The following JARID2 variants were observed in gnomAD, a reference collection of about 807,000 sequenced individuals.
JARID2 encodes jumonji and AT-rich interaction domain containing 2.
A neutral mutation model predicts 125.6 loss-of-function variants in JARID2; 21 were observed. The observed-to-expected ratio is 0.17, with a 90% CI of 0.12 to 0.24. JARID2 has a LOEUF of 0.24. Among genes scored for constraint, JARID2 ranks in the 10% least tolerant of loss-of-function variants. The pLI, the probability that JARID2 is intolerant of heterozygous loss-of-function variation, is 1.00. For synonymous variants in JARID2, 736 were observed against 661.6 expected (o/e 1.11, Z -1.73); for missense variants, 1,303 against 1,639.6 (o/e 0.79, Z 3.55).
chr6:15,285,318 T>C (rs1464581932), intron 1 of JARID2, among the ~76,000 whole-genome samples: 1 of 151,914 alleles, frequency 6.6e-6, no homozygotes, highest in African/African-American at 2.4e-5. Flanking sequence ...AGAGACTGGG[T>C]TTTACCATGT....
intron 4 of JARID2, among the ~76,000 whole-genome samples, chr6:15,453,675 A>G (rs1324857670): frequency 6.6e-6 from 1 of 152,186 alleles, no homozygotes; most frequent in Admixed American, 6.5e-5. Flanking sequence ...AAGGGTTATA[A>G]TCTGTTACTC....
Position 15,520,355 on chromosome 6 carries a change from AAAG to A in JARID2, c.*109_*111del, listed in dbSNP as rs1465233268. The A allele has an allele frequency of 2.7e-5, 23 of 848,156 alleles. No homozygotes were observed. The highest frequency in any genetic ancestry group is 1.2e-4 in the East Asian group (4 of 33,022). The allele number at this position is 848,156 out of a possible 1,614,324, so 52.5% of individuals were successfully genotyped here. A position where few individuals can be genotyped will look rare whatever the true frequency, so the allele number is the denominator to read the frequency against. ...TTCAAGCTGTCTTTGCACTAGCTCT[AAAG>A]AAGATTTTCTTCTGGTTTTAGAGAA... On this transcript the variant is annotated 3_prime_UTR_variant, in exon 18 of 18. Transcript: ENST00000341776.
chr6:15,465,485 G>C (rs1768676345), intron 4 of JARID2, among the ~76,000 whole-genome samples: 2 of 151,522 alleles, frequency 1.3e-5, no homozygotes, highest in South Asian at 4.2e-4. Context: ...TATCAACAAA[G>C]TCTGGATGCT....
At chr6:15,291,733 A>G (rs192355495) in intron 1 of JARID2, among the ~76,000 whole-genome samples, 49 of 151,658 alleles carry the variant, frequency 3.2e-4, no homozygotes, top group African/African-American at 1.2e-3. Context: ...GAAACCACAG[A>G]AATGGAGAAA....
chr6:15,248,132 T>C (rs1468809675), intron 1 of JARID2: 1 of 971,450 alleles, frequency 1.0e-6, no homozygotes, highest in Non-Finnish European at 1.2e-6. Context: ...TGCAAGCCCG[T>C]GGCTGGCGGC....
intron 2 of JARID2, chr6:15,400,722 C>T: frequency 2.4e-6 from 2 of 827,110 alleles, no homozygotes; most frequent in Non-Finnish European, 2.9e-6. Context: ...TGTTCGATTC[C>T]CTCCCTTGCA....
In JARID2 at chr6:15,472,908, T is replaced by G. The variant is rs1228517399; in HGVS notation, c.670+4190T>G. ...TATTTAGTCTGAGGTTTTCTTTCTA[T>G]TGCTATGCCTGGGCATTTTTTAGAT... On this transcript the variant is annotated intron_variant, in intron 5 of 17. Transcript: ENST00000341776. Among the ~76,000 whole-genome samples the G allele has an allele frequency of 2.0e-5, 3 of 152,246 alleles. No homozygotes were observed. The East Asian group carries it at 5.8e-4, about 29-fold the overall frequency.
In JARID2 at chr6:15,503,913, C is replaced by T. The variant is rs74878090; in HGVS notation, c.2449-587C>T. Among the ~76,000 whole-genome samples, 685 of 152,316 alleles carry T rather than the reference C, an allele frequency of 4.5e-3. 5 individuals are homozygous for T. The highest frequency in any genetic ancestry group is 0.016 in the African/African-American group (650 of 41,566). On this transcript the variant is annotated intron_variant, in intron 8 of 17. Transcript: ENST00000341776. ...TGGGAACAGGGCAACAGAGGGGCAT[C>T]GAAGAAGAGGCGCAGAGGGGACAGC...
chr6:15,424,513 G>A (rs6904997), intron 3 of JARID2, among the ~76,000 whole-genome samples: 7,336 of 152,232 alleles, frequency 0.048, 510 homozygotes, highest in African/African-American at 0.15. Flanking sequence ...GGGGGAGTCA[G>A]TTATCTGAAA....
At chr6:15,478,892 C>T (rs927894396) in intron 5 of JARID2, among the ~76,000 whole-genome samples, 3 of 152,008 alleles carry the variant, frequency 2.0e-5, no homozygotes, top group African/African-American at 7.3e-5. Context: ...GATGCTCTCC[C>T]GAGCTCAGGT....
Position 15,513,000 on chromosome 6 carries a change from A to G in JARID2, c.3221A>G (p.Asn1074Ser). The change falls in exon 15 of 18, where the codon AAC becomes AGC. Residue 1074 changes from asparagine to serine, a missense_variant. Asn to Ser is a conservative substitution (Grantham distance 46, BLOSUM62 1). Transcript: ENST00000341776. ...QIAQAEAKKE[N>S]GPTLSTISAL... ...GCACAAGCAGAAGCAAAAAAAGAAA[A>G]CGGTCCCACTCTCAGTACCATCTCA... is the stretch of plus-strand genomic sequence containing the variant. 1 of 1,613,932 alleles carries G rather than the reference A, an allele frequency of 6.2e-7. No individual in the cohort carries two copies. The highest frequency in any genetic ancestry group is 8.5e-7 in the Non-Finnish European group (1 of 1,180,002).
At chr6:15,259,412 G>A (rs1313183037) in intron 1 of JARID2, among the ~76,000 whole-genome samples, 3 of 152,158 alleles carry the variant, frequency 2.0e-5, no homozygotes, top group East Asian at 1.9e-4. Context: ...AGTCAAATTG[G>A]TAGCACATGG....
chr6:15,517,333 T>C, intron 17 of JARID2, 65 bp downstream of exon 17: 1 of 1,119,302 alleles, frequency 8.9e-7, no homozygotes, highest in South Asian at 1.2e-5. Flanking sequence ...CCCGGCTGGA[T>C]GTAGGCACTC....
intron 1 of JARID2, among the ~76,000 whole-genome samples, chr6:15,338,763 ACTCTTT>A (rs749765660): frequency 6.6e-6 from 1 of 151,862 alleles, no homozygotes; most frequent in Non-Finnish European, 1.5e-5. Context: ...GCCCAGTCTC[ACTCTTT>A]CCCTTCCAGC....
intron 1 of JARID2, among the ~76,000 whole-genome samples, chr6:15,300,734 A>T (rs941997362): frequency 5.3e-4 from 77 of 146,618 alleles, no homozygotes; most frequent in African/African-American, 8.5e-4. Flanking sequence ...AGAGAGAGAG[A>T]GAGAGAGAGA....
intron 1 of JARID2, among the ~76,000 whole-genome samples, chr6:15,332,935 C>CTTTTTTTTTTTTTTTTTTTT (rs33921682): frequency 1.7e-4 from 7 of 42,166 alleles, no homozygotes; most frequent in East Asian, 8.4e-4. Flanking sequence ...CTTTTCTTTT[C>CTTTTTTTTTTTTTTTTTTTT]TTTTTTTTTT....
At chr6:15,442,387 A>G (rs1298553691) in intron 3 of JARID2, among the ~76,000 whole-genome samples, 17 of 152,320 alleles carry the variant, frequency 1.1e-4, no homozygotes, top group Non-Finnish European at 2.4e-4. Flanking sequence ...ACTCCTTGTA[A>G]CTACAACAGC....
At chr6:15,415,266 T>TC (rs1035211257) in intron 3 of JARID2, among the ~76,000 whole-genome samples, 38 of 151,732 alleles carry the variant, frequency 2.5e-4, no homozygotes, top group Admixed American at 7.9e-4. Flanking sequence ...TCCCCACCTT[T>TC]CCCCCCTTTC....
chr6:15,461,047 A>G (rs550032665), intron 4 of JARID2, among the ~76,000 whole-genome samples: 2 of 152,282 alleles, frequency 1.3e-5, no homozygotes, highest in African/African-American at 4.8e-5. Context: ...TCCACTTGAG[A>G]TAATACCGTG....
Sources: allele counts gnomAD v4.1 joint callset (sites outside exome capture counted in the v4.1 genomes callset), GRCh38; gene constraint gnomAD v4.1.1; transcripts MANE v1.5; gene names NCBI Gene and HGNC (gene_info 2026-07-23, HGNC 2026-07-21).